The following MED13 variants were observed in gnomAD, a reference collection of about 807,000 sequenced individuals.
The protein encoded by MED13 is mediator complex subunit 13.
A neutral mutation model predicts 225.2 loss-of-function variants in MED13; 23 were observed. The ratio of observed to expected loss-of-function variants is 0.10; its 90% CI spans 0.07 to 0.14. The LOEUF (loss-of-function observed/expected upper bound fraction) is 0.14. MED13 is among the 10% of genes least tolerant of loss of function. The pLI is 1.00. For synonymous variants in MED13, 942 were observed against 889.2 expected (o/e 1.06, Z -1.06); for missense variants, 2,197 against 2,594.5 (o/e 0.85, Z 3.33).
At chr17:62,033,648 A>G in intron 5 of MED13, 139 bp downstream of exon 5, 1 of 767,926 alleles carries the variant, frequency 1.3e-6, no homozygotes, top group Non-Finnish European at 2.1e-6. Flanking sequence ...GCCCTTAAGT[A>G]ATGTGGGCAG....
Position 62,011,092 on chromosome 17 carries a change from A to G in MED13, c.1425T>C (p.Pro475=), listed in dbSNP as rs753291965. 1 of 1,614,198 alleles carries G rather than the reference A, an allele frequency of 6.2e-7. No homozygotes were observed. The highest frequency in any genetic ancestry group is 1.1e-5 in the South Asian group (1 of 91,084). The change falls in exon 9 of 30, where the codon CCT becomes CCC. Residue 475 remains proline, a synonymous_variant. Transcript: ENST00000397786. The part of the protein sequence containing the change: ...SEKPQKRPLT[P]FHHRVSVSDD... ...CACTAACAGACACACGATGGTGAAA[A>G]GGAGTCAAGGGGCGTTTCTGTGGCT...
intron 8 of MED13, among the ~76,000 whole-genome samples, chr17:62,018,954 GATCC>G (rs142073256): frequency 0.037 from 5,652 of 152,220 alleles, 166 homozygotes; most frequent in Non-Finnish European, 0.05. Flanking sequence ...AAAATCGAAA[GATCC>G]ATTCAGTTAT....
In MED13 at chr17:62,010,982, C is replaced by A; in HGVS notation, c.1535G>T (p.Arg512Leu). 6.2e-7 allele frequency: 1 copy of A among 1,613,504 alleles called. No homozygotes were observed. Among genetic ancestry groups the A allele is most frequent in the Non-Finnish European group, 8.5e-7 (1 of 1,179,480 alleles). Residue 512 changes from arginine to leucine, a missense_variant, in exon 9 of 30, where the codon CGA becomes CTA. Physicochemically the swap from Arg to Leu is moderately radical, Grantham distance 102. Transcript: ENST00000397786. ...AGGAGTCTTTGCTACATCATTAGTT[C>A]GGATATTTGAAAATCTCACTTGACT... ...PDSQVRFSNI[R>L]TNDVAKTPQM...
chr17:61,971,120 T>C (rs1211129699), intron 17 of MED13, among the ~76,000 whole-genome samples: 2 of 152,086 alleles, frequency 1.3e-5, no homozygotes, highest in African/African-American at 2.4e-5. Context: ...TGGTAACAAT[T>C]TGTATGTTCA....
At chr17:61,972,511 G>A (rs2080118825) in intron 17 of MED13, among the ~76,000 whole-genome samples, 1 of 151,984 alleles carries the variant, frequency 6.6e-6, no homozygotes, top group African/African-American at 2.4e-5. Context: ...TGTAAGAACA[G>A]ACCTAAGAGA....
intron 4 of MED13, 82 bp from the exon 5 acceptor site, chr17:62,034,066 A>G: frequency 8.3e-7 from 1 of 1,208,626 alleles, no homozygotes; most frequent in Non-Finnish European, 1.2e-6. Context: ...GTGGCAAATA[A>G]TCGTGCAATT....
Position 62,063,238 on chromosome 17 carries a change from G to T in MED13, c.130C>A (p.Leu44Met). 6.2e-7 allele frequency: 1 copy of T among 1,614,148 alleles called. No homozygotes were observed. Among genetic ancestry groups the T allele is most frequent in the Non-Finnish European group, 8.5e-7 (1 of 1,180,012 alleles). The change falls in exon 2 of 30, where the codon CTG (leucine) becomes ATG (methionine). Residue 44 changes from leucine to methionine, a missense_variant. Leu to Met is a conservative substitution (Grantham distance 15, BLOSUM62 2). Coordinates refer to ENST00000397786, the MANE Select transcript of MED13 (RefSeq NM_005121.3). Reference sequence around the variant, plus strand: ...GGGTCTTCTTCTGTCACAGGAAACAGAATAGGGGCAGAAGTTGGGCCTTGC... The same window carrying T: ...GGGTCTTCTTCTGTCACAGGAAACATAATAGGGGCAGAAGTTGGGCCTTGC... ...VWQGPTSAPI[L>M]FPVTEEDPIL...
chr17:62,022,174 A>ATATAT (rs1555640204), intron 8 of MED13, among the ~76,000 whole-genome samples: 22 of 141,318 alleles, frequency 1.6e-4, no homozygotes, highest in Non-Finnish European at 1.7e-4. Flanking sequence ...TCAAAAAAAA[A>ATATAT]ATATATATAT....
At chr17:62,060,861 A>C (rs1056065466) in intron 2 of MED13, among the ~76,000 whole-genome samples, 1 of 151,782 alleles carries the variant, frequency 6.6e-6, no homozygotes, top group Non-Finnish European at 1.5e-5. Flanking sequence ...CACCATGCCC[A>C]GCTAATTTTT....
chr17:62,035,677 A>G, intron 3 of MED13, 69 bp from the exon 4 acceptor site: 1 of 1,463,722 alleles, frequency 6.8e-7, no homozygotes, highest in Non-Finnish European at 9.1e-7. Flanking sequence ...GCTTTTCTTT[A>G]TTAGGAAGTA....
chr17:62,014,035 T>G (rs1277785248), intron 8 of MED13, among the ~76,000 whole-genome samples: 1 of 151,914 alleles, frequency 6.6e-6, no homozygotes, highest in African/African-American at 2.4e-5. Context: ...CGAGACTCTG[T>G]CCCACCCCCC....
intron 26 of MED13, among the ~76,000 whole-genome samples, chr17:61,953,934 C>T (rs941923937): frequency 2.6e-5 from 4 of 152,142 alleles, no homozygotes; most frequent in Non-Finnish European, 5.9e-5. Flanking sequence ...TTTTCCTTTA[C>T]GTACACACCT....
chr17:61,955,330 A>G, intron 26 of MED13, 52 bp downstream of exon 26: 1 of 1,385,694 alleles, frequency 7.2e-7, no homozygotes, highest in Non-Finnish European at 9.6e-7. Flanking sequence ...TTGGACATGA[A>G]TTTATTTTGG....
intron 3 of MED13, among the ~76,000 whole-genome samples, chr17:62,044,462 T>C (rs891146725): frequency 2.0e-5 from 3 of 152,336 alleles, no homozygotes; most frequent in East Asian, 1.9e-4. Flanking sequence ...TATCACTCTC[T>C]ATGGACTAAG....
chr17:62,058,644 T>C (rs750223060), intron 2 of MED13, among the ~76,000 whole-genome samples: 6 of 151,942 alleles, frequency 3.9e-5, no homozygotes, highest in East Asian at 1.9e-4. Context: ...CATTATCCTA[T>C]AGAGGATAAA....
intron 2 of MED13, among the ~76,000 whole-genome samples, chr17:62,055,421 T>C (rs1168297968): frequency 6.6e-6 from 1 of 151,922 alleles, no homozygotes; most frequent in Non-Finnish European, 1.5e-5. Context: ...TTTGCAATAG[T>C]AAAAGCTAAA....
At chr17:61,982,169 C>CA (rs773435617) in intron 16 of MED13, 29 bp downstream of exon 16, 2 of 1,563,670 alleles carry the variant, frequency 1.3e-6, no homozygotes, top group Non-Finnish European at 1.7e-6. Context: ...AATAAGCAAA[C>CA]AAAAAAGTAT....
chr17:61,982,938 C>G lies in MED13; in HGVS notation c.3065G>C (p.Arg1022Pro). The change falls in exon 16 of 30, where the codon CGT becomes CCT. Residue 1022 changes from arginine (R) to proline (P), a missense_variant. This residue lies in a region of MED13 where 99 missense variants were observed against 158.5 expected (regional missense o/e 0.62). Transcript: ENST00000397786. ...PRTPRTPRTP[R>P]GAGGPASAQG... The stretch of plus-strand genomic sequence containing the variant: ...AGCACTAGCAGGTCCACCAGCTCCA[C>G]GAGGAGTCCGAGGAGTCCTTGGAGT... The G allele has an allele frequency of 6.2e-7, 1 of 1,613,986 alleles. No homozygotes were observed. Among genetic ancestry groups the G allele is most frequent in the Non-Finnish European group, 8.5e-7 (1 of 1,179,992 alleles).
rs1195725353 is a variant in MED13 at position 62,035,561 on chromosome 17, T to C, written c.518A>G (p.Asn173Ser). The C allele has an allele frequency of 3.7e-6, 6 of 1,613,806 alleles. No homozygotes were observed. The highest frequency in any genetic ancestry group is 2.2e-5 in the East Asian group (1 of 44,814). ...GTTAATTTCCACACTGGTACAAACA[T>C]TGCTGTCTCCATGCAAGAAAAAGGT... The part of the protein sequence containing the change: ...SFTFFLHGDS[N>S]VCTSVEINQH... Residue 173 changes from asparagine (N) to serine (S), a missense_variant, in exon 4 of 30, where the codon AAT becomes AGT. Asn to Ser is a conservative substitution (Grantham distance 46, BLOSUM62 1). Coordinates refer to ENST00000397786, the MANE Select transcript of MED13 (RefSeq NM_005121.3).
Sources: gnomAD v4.1 joint callset for allele counts (sites outside exome capture counted in the v4.1 genomes callset) on GRCh38, gnomAD v4.1.1 for gene constraint, gnomAD v4.1.1 regional missense constraint, MANE v1.5 for transcripts, NCBI Gene and HGNC (gene_info 2026-07-23, HGNC 2026-07-21) for gene names.